Variants in SH3PXD2A observed in about 807,000 individuals in gnomAD.
SH3PXD2A encodes the protein SH3 and PX domains 2A, also known as SH3 and PX domain-containing protein 2A.
Under a neutral mutation model 115.2 loss-of-function variants are expected in SH3PXD2A, and 32 were observed. The ratio of observed to expected loss-of-function variants is 0.28; its 90% CI spans 0.21 to 0.37. The LOEUF (loss-of-function observed/expected upper bound fraction) is 0.37. Among genes scored for constraint, SH3PXD2A ranks in the 10% least tolerant of loss-of-function variants. The pLI is 1.00. For missense variants in SH3PXD2A, 1,328 were observed against 1,498.7 expected, an observed-to-expected ratio of 0.89 and a Z score of 1.88; for synonymous variants, 610 against 629.1, an observed-to-expected ratio of 0.97 and a Z score of 0.45.
Position 103,603,538 on chromosome 10 carries a change from G to A in SH3PXD2A, c.1680C>T (p.Ile560=). ...KLKYEEPEYD[I]PAFGFDSEPE... is the part of the protein sequence containing the mutation. Reference sequence around the variant, plus strand: ...GCTCTGAGTCAAAGCCGAATGCAGGGATGTCATACTCAGGCTCCTCATACT... The same window carrying A: ...GCTCTGAGTCAAAGCCGAATGCAGGAATGTCATACTCAGGCTCCTCATACT... The change falls in exon 15 of 15, where the codon ATC becomes ATT. Residue 560 remains isoleucine (I), a synonymous_variant. Coordinates refer to ENST00000369774, the MANE Select transcript of SH3PXD2A (RefSeq NM_001394015.1). The A allele has an allele frequency of 1.2e-6, 2 of 1,612,910 alleles. No homozygotes were observed. The highest frequency in any genetic ancestry group is 1.1e-5 in the South Asian group (1 of 90,894).
In SH3PXD2A at chr10:103,735,773, C is replaced by A. The variant is rs140324699; in HGVS notation, c.265G>T (p.Val89Leu). The A allele has an allele frequency of 6.2e-7, 1 of 1,607,044 alleles. No homozygotes were observed. Among genetic ancestry groups the A allele is most frequent in the East Asian group, 2.2e-5 (1 of 44,538 alleles). The change falls in exon 4 of 15, where the codon GTA becomes TTA. Residue 89 changes from valine (V) to leucine (L), a missense_variant. This residue lies in a region of SH3PXD2A where 110 missense variants were observed against 160.0 expected (regional missense o/e 0.69). Transcript: ENST00000369774. ...ATGGGCTTCAGTCTCTTCACAGCTA[C>A]GTCCCGGATGTGGCTTCTGCGGAAG... ...ILFRRSHIRDVAVKRLKPIDE... is the reference protein window; with the variant it reads ...ILFRRSHIRDLAVKRLKPIDE...
At chr10:103,704,141 G>A (rs1159197792) in intron 5 of SH3PXD2A, among the ~76,000 whole-genome samples, 2 of 152,202 alleles carry the variant, frequency 1.3e-5, no homozygotes, top group African/African-American at 4.8e-5. Flanking sequence ...TCACCCTCGA[G>A]AGGGGAGAGG....
chr10:103,726,686 T>C (rs534731755), intron 4 of SH3PXD2A, among the ~76,000 whole-genome samples: 2 of 152,314 alleles, frequency 1.3e-5, no homozygotes, highest in East Asian at 3.9e-4. Context: ...CATATAATCT[T>C]AGGTTGCATC....
intron 2 of SH3PXD2A, among the ~76,000 whole-genome samples, chr10:103,782,265 C>T (rs944073560): frequency 1.3e-5 from 2 of 152,218 alleles, no homozygotes; most frequent in African/African-American, 4.8e-5. Flanking sequence ...ATCTCAAACC[C>T]CAGGCGGACC....
chr10:103,672,040 C>T (rs114122055), intron 6 of SH3PXD2A, among the ~76,000 whole-genome samples: 2,300 of 152,306 alleles, frequency 0.015, 71 homozygotes, highest in African/African-American at 0.052. Flanking sequence ...AATCCCAGCA[C>T]TTTGGAGGCC....
chr10:103,718,760 GACACACACACACACACACAC>G (rs55844048), intron 5 of SH3PXD2A, among the ~76,000 whole-genome samples: 2 of 128,338 alleles, frequency 1.6e-5, no homozygotes, highest in Non-Finnish European at 3.3e-5. Context: ...CCCCAATCAG[GACACACACACACACACACAC>G]ACACACACAC....
At chr10:103,604,481 C>G (rs143570330) in intron 14 of SH3PXD2A, among the ~76,000 whole-genome samples, 1 of 152,314 alleles carries the variant, frequency 6.6e-6, no homozygotes, top group East Asian at 1.9e-4. Context: ...TGGAGATCAA[C>G]CAATGGCCAA....
At chr10:103,802,076 T>C (rs1049948581) in intron 1 of SH3PXD2A, among the ~76,000 whole-genome samples, 13 of 152,220 alleles carry the variant, frequency 8.5e-5, no homozygotes, top group African/African-American at 2.4e-4. Flanking sequence ...CCCTCCGAAA[T>C]TGCAGGTGGA....
At position 103,598,768 on chromosome 10, in the gene SH3PXD2A, G is replaced by C. The variant is rs2036173107; in HGVS notation, c.*3048C>G. ...GGGAAAGGCCCTCTCGCCCTGGCTAGGGCTAGGAGGCCAGGCGCACAAGGC... is the reference window on the plus strand; with the variant it reads ...GGGAAAGGCCCTCTCGCCCTGGCTACGGCTAGGAGGCCAGGCGCACAAGGC... On this transcript the variant is annotated 3_prime_UTR_variant, in exon 15 of 15. Coordinates refer to ENST00000369774, the MANE Select transcript of SH3PXD2A (RefSeq NM_001394015.1). 1 of 152,668 alleles carries C rather than the reference G, an allele frequency of 6.6e-6. No homozygotes were observed. The highest frequency in any genetic ancestry group is 1.5e-5 in the Non-Finnish European group (1 of 68,062). The allele number at this position is 152,668 out of a possible 1,614,324, so 9.5% of individuals were successfully genotyped here. A position where few individuals can be genotyped will look rare whatever the true frequency, so the allele number is the denominator to read the frequency against.
Position 103,693,058 on chromosome 10 carries a change from T to C in SH3PXD2A, c.399-2A>G, listed in dbSNP as rs1355514185. The C allele has an allele frequency of 6.2e-7, 1 of 1,613,208 alleles. No homozygotes were observed. The highest frequency in any genetic ancestry group is 2.2e-5 in the East Asian group (1 of 44,782). ...TTCCTCTTGGAACTGCCATAGTCCC[T>C]GAAAAAGAAGCAACAACAGATAGAC... On this transcript the variant is annotated splice_acceptor_variant, in intron 5 of 14. Transcript: ENST00000369774. LOFTEE classifies it high-confidence loss of function.
intron 2 of SH3PXD2A, among the ~76,000 whole-genome samples, chr10:103,775,096 G>A: frequency 6.6e-6 from 1 of 152,220 alleles, no homozygotes; most frequent in East Asian, 1.9e-4. Flanking sequence ...CCCTGGCAAG[G>A]AGTTGGGATG....
Position 103,603,380 on chromosome 10 carries a change from G to T in SH3PXD2A, c.1838C>A (p.Ala613Asp), listed in dbSNP as rs2036250191. ...FKVGESSEDVALEEETIYENE... is the reference protein window; with the variant it reads ...FKVGESSEDVDLEEETIYENE... ...CTCATAGATGGTCTCCTCTTCCAGG[G>T]CCACATCCTCTGAAGACTCACCCAC... Residue 613 changes from alanine (A) to aspartate (D), a missense_variant, in exon 15 of 15, where the codon GCC becomes GAC. Physicochemically the swap from Ala to Asp is moderately radical, Grantham distance 126 (BLOSUM62 -2). Coordinates refer to ENST00000369774, the MANE Select transcript of SH3PXD2A (RefSeq NM_001394015.1). 2 of 1,614,160 alleles carry T rather than the reference G, an allele frequency of 1.2e-6. No homozygotes were observed.
At chr10:103,744,308 C>T (rs530431729) in intron 3 of SH3PXD2A, among the ~76,000 whole-genome samples, 4 of 152,230 alleles carry the variant, frequency 2.6e-5, no homozygotes, top group African/African-American at 9.6e-5. Context: ...TATGTGCCAC[C>T]ACACCTGGCT....
At chr10:103,740,741 T>C (rs1015796051) in intron 3 of SH3PXD2A, among the ~76,000 whole-genome samples, 2 of 152,168 alleles carry the variant, frequency 1.3e-5, no homozygotes, top group African/African-American at 2.4e-5. Context: ...TACAACTCCT[T>C]TTTCCCTGTC....
Position 103,622,526 on chromosome 10 carries a change from C to A in SH3PXD2A, c.746G>T (p.Arg249Leu), listed in dbSNP as rs893064778. Residue 249 changes from arginine (R) to leucine (L), a missense_variant, in exon 10 of 15, where the codon CGG (arginine) becomes CTG (leucine). By Grantham distance (102) the Arg-to-Leu change is moderately radical. Coordinates refer to ENST00000369774, the MANE Select transcript of SH3PXD2A (RefSeq NM_001394015.1). Reference protein sequence around the residue: ...EVSKRRKAHLRRLDRRWTLGG... With the variant: ...EVSKRRKAHLLRLDRRWTLGG... ...CAGGGTCCACCGGCGATCCAGGCGC[C>A]GCAGATGGGCCTTGCGTCTCTTGGA... 3 of 1,550,242 alleles carry A rather than the reference C, an allele frequency of 1.9e-6. No homozygotes were observed. Among genetic ancestry groups the A allele is most frequent in the African/African-American group, 1.4e-5 (1 of 73,048 alleles).
chr10:103,773,978 T>C (rs1211279054), intron 2 of SH3PXD2A, among the ~76,000 whole-genome samples: 6 of 152,108 alleles, frequency 3.9e-5, no homozygotes, highest in Non-Finnish European at 5.9e-5. Context: ...CAAGTGGTCC[T>C]CCTGTCCTGG....
At chr10:103,698,151 C>T (rs886981429) in intron 5 of SH3PXD2A, among the ~76,000 whole-genome samples, 2 of 152,196 alleles carry the variant, frequency 1.3e-5, no homozygotes, top group South Asian at 2.1e-4. Context: ...GCCATCCTGC[C>T]GTTCAGAGTT....
intron 7 of SH3PXD2A, among the ~76,000 whole-genome samples, chr10:103,663,669 G>A (rs73330586): frequency 0.045 from 6,903 of 152,344 alleles, 505 homozygotes; most frequent in African/African-American, 0.16. Context: ...GGTGCAAGAA[G>A]CACTACTTAG....
chr10:103,726,924 G>A (rs964353699), intron 4 of SH3PXD2A, among the ~76,000 whole-genome samples: 2 of 152,106 alleles, frequency 1.3e-5, no homozygotes, highest in African/African-American at 2.4e-5. Flanking sequence ...CTCTCCAAGG[G>A]TCTCTGAAAT....
Sources: gnomAD v4.1 joint callset for allele counts (sites outside exome capture counted in the v4.1 genomes callset) on GRCh38, gnomAD v4.1.1 for gene constraint, gnomAD v4.1.1 regional missense constraint, MANE v1.5 for transcripts, NCBI Gene and HGNC (gene_info 2026-07-23, HGNC 2026-07-21) for gene names.